Variants in AMZ1 observed in about 807,000 individuals in gnomAD.
AMZ1 encodes the protein archaemetzincin-1.
AMZ1 carries 39 observed loss-of-function variants against 29.9 expected under a neutral mutation model. That is an observed-to-expected ratio of 1.30 (90% CI 1.01 to 1.70). The LOEUF (loss-of-function observed/expected upper bound fraction) is 1.70. AMZ1 is among the 40% of genes most tolerant of loss of function. The probability of loss-of-function intolerance (pLI) is 0.00; values close to 1 mark genes in which losing one functional copy is unlikely to be tolerated. For synonymous variants in AMZ1, 458 were observed against 304.0 expected, an observed-to-expected ratio of 1.51 and a Z score of -5.27; for missense variants, 1,041 against 680.6, an observed-to-expected ratio of 1.53 and a Z score of -5.89.
chr7:2,712,184 C>T, intron 6 of AMZ1, 146 bp from the exon 7 acceptor site: 1 of 829,302 alleles, frequency 1.2e-6, no homozygotes, highest in Non-Finnish European at 1.8e-6. Context: ...GTGCTGGTCA[C>T]AAGAGCCCTC....
intron 4 of AMZ1, 125 bp from the exon 5 acceptor site, chr7:2,708,950 C>T: frequency 1.5e-6 from 2 of 1,325,786 alleles, no homozygotes; most frequent in African/African-American, 1.5e-5. Flanking sequence ...AGGACAGGGC[C>T]TCCCAGGACT....
Position 2,714,201 on chromosome 7 carries a change from C to T in AMZ1, c.*1323C>T, listed in dbSNP as rs1452411470. On this transcript the variant is annotated 3_prime_UTR_variant, in exon 7 of 7. Coordinates refer to ENST00000683327, the MANE Select transcript of AMZ1 (RefSeq NM_001384743.1). ...GGCGGGGTCACAGCTCGCGCACCCT[C>T]ATCTGGAGAGAGGCAAGAACAGGGC... is the stretch of plus-strand genomic sequence containing the variant. The T allele has an allele frequency of 2.0e-5, 3 of 152,342 alleles. No individual in the cohort carries two copies. The allele number at this position is 152,342 out of a possible 1,614,324, so 9.4% of individuals were successfully genotyped here. A position where few individuals can be genotyped will look rare whatever the true frequency, so the allele number is the denominator to read the frequency against.
chr7:2,754,817 T>C lies in AMZ1; in HGVS notation n.551-9895T>C, dbSNP rs145574220. Reference sequence around the variant, plus strand: ...AACAAAAATGACCGTTTCTCAAAATTTGATTTCAACGGATCACTAGGGCGT... The same window carrying C: ...AACAAAAATGACCGTTTCTCAAAATCTGATTTCAACGGATCACTAGGGCGT... On this transcript the variant is annotated intron_variant and non_coding_transcript_variant, in intron 4 of 4. Coordinates refer to the AMZ1 transcript ENST00000489665. 2.1e-3 allele frequency among the ~76,000 whole-genome samples: 322 copies of C among 152,292 alleles called. 1 individual carries two copies. Among genetic ancestry groups the C allele is most frequent in the African/African-American group, 7.6e-3 (314 of 41,572 alleles).
Position 2,741,889 on chromosome 7 carries a change from C to G in AMZ1, n.551-22823C>G, listed in dbSNP as rs1412195371. ...CTCATAATTACCACGTATTAGACAC[C>G]GAGGTTTATCTAATATATACAGATA... On this transcript the variant is annotated intron_variant and non_coding_transcript_variant, in intron 4 of 4. Coordinates refer to the AMZ1 transcript ENST00000489665. Among the ~76,000 whole-genome samples the G allele has an allele frequency of 4.0e-5, 6 of 150,768 alleles. No homozygotes were observed. In the South Asian group the frequency reaches 1.3e-3, roughly 32 times the overall value.
Position 2,751,115 on chromosome 7 carries a change from C to T in AMZ1, n.551-13597C>T, listed in dbSNP as rs1367370638. Reference sequence around the variant, plus strand: ...TACATGCTTATATTAGGGCCGGGCCCGGGGGCACACACTTGTAACCCCAGC... The same window carrying T: ...TACATGCTTATATTAGGGCCGGGCCTGGGGGCACACACTTGTAACCCCAGC... On this transcript the variant is annotated intron_variant and non_coding_transcript_variant, in intron 4 of 4. Coordinates refer to the AMZ1 transcript ENST00000489665. 3.9e-5 allele frequency among the ~76,000 whole-genome samples: 6 copies of T among 152,068 alleles called. 1 individual carries two copies. Among genetic ancestry groups the T allele is most frequent in the Non-Finnish European group, 7.4e-5 (5 of 68,018 alleles).
intron 4 of AMZ1, chr7:2,729,430 C>G (rs1308517496): frequency 6.6e-6 from 1 of 152,442 alleles, no homozygotes; most frequent in African/African-American, 2.4e-5. Flanking sequence ...AAAACAGCGA[C>G]TTCTTTATCC....
rs11772508 is a variant in AMZ1, at chr7:2,731,870, C to A, written n.550+22054C>A. On this transcript the variant is annotated intron_variant and non_coding_transcript_variant, in intron 4 of 4. Transcript: ENST00000489665. The surrounding 1 kb of genome is among the most constrained non-coding windows in gnomAD (Gnocchi z 6.0). ...GACTGACTTTTGCAACAGGTTGAAC[C>A]AGAAACCAAAAGCAAATTTCATTTA... The A allele has an allele frequency of 0.11, 61,570 of 556,252 alleles. 4,097 individuals are homozygous for A. Among genetic ancestry groups the A allele is most frequent in the Middle Eastern group, 0.21 (580 of 2,788 alleles). The allele number at this position is 556,252 out of a possible 1,614,324, so 34.5% of individuals were successfully genotyped here.
chr7:2,697,998 C>G (rs1381117732), intron 1 of AMZ1, among the ~76,000 whole-genome samples: 2 of 151,932 alleles, frequency 1.3e-5, no homozygotes, highest in African/African-American at 2.4e-5. Flanking sequence ...ACATTTTCCC[C>G]AAAAGAAAAT....
At chr7:2,720,858 G>T (rs540356496), downstream of AMZ1, among the ~76,000 whole-genome samples, 1 of 151,946 alleles carries the variant, frequency 6.6e-6, no homozygotes, top group East Asian at 1.9e-4. Flanking sequence ...ACTTGTTTTT[G>T]GTAGAGACAG....
At chr7:2,704,963 A>G (rs1001295726) in intron 3 of AMZ1, among the ~76,000 whole-genome samples, 1 of 152,156 alleles carries the variant, frequency 6.6e-6, no homozygotes, top group African/African-American at 2.4e-5. Context: ...GATGTCCATG[A>G]ACATAGTTGC....
intron 4 of AMZ1, among the ~76,000 whole-genome samples, chr7:2,727,227 G>A (rs1392532781): frequency 2.0e-5 from 3 of 151,944 alleles, no homozygotes; most frequent in Admixed American, 6.6e-5. Context: ...GATTACAGGC[G>A]CCCACCACCA....
chr7:2,696,214 A>G (rs1787712376), intron 1 of AMZ1, among the ~76,000 whole-genome samples: 1 of 150,928 alleles, frequency 6.6e-6, no homozygotes, highest in Non-Finnish European at 1.5e-5. Flanking sequence ...AAAGCAATGA[A>G]GCCCTGCCTG....
chr7:2,688,045 C>A (rs1219969726), upstream of AMZ1, among the ~76,000 whole-genome samples: 1 of 152,136 alleles, frequency 6.6e-6, no homozygotes, highest in African/African-American at 2.4e-5. Context: ...GCTGGAGGGT[C>A]CCACGTGAGC....
rs57595643 is a variant in AMZ1, at chr7:2,696,320, G to A, written c.-218-3914G>A. Among the ~76,000 whole-genome samples the A allele has an allele frequency of 1.2e-3, 172 of 146,028 alleles. 1 individual carries two copies. Among genetic ancestry groups the A allele is most frequent in the South Asian group, 6.8e-3 (30 of 4,418 alleles). On this transcript the variant is annotated intron_variant, in intron 1 of 6. Transcript: ENST00000683327. ...CACCCAGGCTGGAGTGCAGTGGTGC[G>A]ATCTTGGCTCACTGCAAGCTCCGCC... is the stretch of plus-strand genomic sequence containing the variant.
chr7:2,740,718 T>C (rs1372829780), intron 4 of AMZ1, among the ~76,000 whole-genome samples: 3 of 152,154 alleles, frequency 2.0e-5, no homozygotes, highest in African/African-American at 7.2e-5. Context: ...ATAAGATGTT[T>C]AATAGTTCAA....
At position 2,713,312 on chromosome 7, in the gene AMZ1, C is replaced by T. The variant is rs1788919814; in HGVS notation, c.*434C>T. On this transcript the variant is annotated 3_prime_UTR_variant, in exon 7 of 7. Transcript: ENST00000683327. Reference sequence around the variant, plus strand: ...GGCGCCTCCTTCAACTCCTGAGTCCCAGCCAGCCGCTCCCAGGGGCCTGCA... The same window carrying T: ...GGCGCCTCCTTCAACTCCTGAGTCCTAGCCAGCCGCTCCCAGGGGCCTGCA... 1 of 153,464 alleles carries T rather than the reference C, an allele frequency of 6.5e-6. No individual in the cohort carries two copies. Among genetic ancestry groups the T allele is most frequent in the African/African-American group, 2.4e-5 (1 of 41,482 alleles). 9.5% of individuals were successfully genotyped at this position (153,464 alleles called of 1,614,324 possible).
At chr7:2,688,516 C>G (rs533865894) in intron 1 of AMZ1, among the ~76,000 whole-genome samples, 7 of 152,274 alleles carry the variant, frequency 4.6e-5, no homozygotes, top group Admixed American at 2.0e-4. Context: ...CCGCACAGCC[C>G]CGGCAGGTCC....
chr7:2,700,702 T>A lies in AMZ1; in HGVS notation c.251T>A (p.Leu84Gln), dbSNP rs1194963036. Residue 84 changes from leucine to glutamine, a missense_variant, in exon 2 of 7, where the codon CTG (leucine) becomes CAG (glutamine). Transcript: ENST00000683327. ...PEDFQTFHAS[L>Q]QHRKPRLARK... ...GACTTCCAGACCTTCCACGCCTCCC[T>A]GCAGCACCGGAAGCCCCGCCTGGCT... The A allele has an allele frequency of 6.2e-7, 1 of 1,613,152 alleles. No individual in the cohort carries two copies. The highest frequency in any genetic ancestry group is 1.1e-5 in the South Asian group (1 of 91,076).
chr7:2,741,127 C>T (rs1470355341), intron 4 of AMZ1, among the ~76,000 whole-genome samples: 2 of 152,164 alleles, frequency 1.3e-5, no homozygotes, highest in African/African-American at 4.8e-5. Context: ...TCACAGGGAT[C>T]ATCATAGAAA....
Sources: allele counts gnomAD v4.1 joint callset (sites outside exome capture counted in the v4.1 genomes callset), GRCh38; gene constraint gnomAD v4.1.1; non-coding constraint Gnocchi (gnomAD v3.1); transcripts MANE v1.5; gene names NCBI Gene and HGNC (gene_info 2026-07-23, HGNC 2026-07-21).